The following PTPRM variants were observed in gnomAD, a reference collection of about 807,000 sequenced individuals.
PTPRM encodes the protein protein tyrosine phosphatase receptor type M, also known as receptor-type tyrosine-protein phosphatase mu.
In PTPRM, 47 loss-of-function variants were observed where a neutral mutation model predicts 186.7. That is an observed-to-expected ratio of 0.25 (90% CI 0.20 to 0.32). The LOEUF is 0.32. Among genes scored for constraint, PTPRM ranks in the 10% least tolerant of loss-of-function variants. The pLI is 1.00. For missense variants in PTPRM, 1,494 were observed against 1,865.0 expected, an observed-to-expected ratio of 0.80 and a Z score of 3.66; for synonymous variants, 668 against 674.9, an observed-to-expected ratio of 0.99 and a Z score of 0.16.
chr18:8,186,043 TA>T (rs919020743), intron 14 of PTPRM, among the ~76,000 whole-genome samples: 1 of 152,148 alleles, frequency 6.6e-6, no homozygotes. Flanking sequence ...ATCTCATTTG[TA>T]AAAAGAGAGA....
At chr18:7,622,426 C>G (rs746764046) in intron 1 of PTPRM, among the ~76,000 whole-genome samples, 4 of 152,046 alleles carry the variant, frequency 2.6e-5, no homozygotes, top group Non-Finnish European at 5.9e-5. Context: ...TCCCAGGGGT[C>G]TATACTGGGT....
chr18:8,258,095 T>A (rs1468309435), intron 19 of PTPRM, among the ~76,000 whole-genome samples: 2 of 152,170 alleles, frequency 1.3e-5, no homozygotes, highest in African/African-American at 4.8e-5. Flanking sequence ...GTAAACATGC[T>A]GAATTGAACA....
At chr18:7,731,532 G>A (rs2040659330) in intron 1 of PTPRM, among the ~76,000 whole-genome samples, 1 of 152,136 alleles carries the variant, frequency 6.6e-6, no homozygotes, top group Non-Finnish European at 1.5e-5. Context: ...AGGAAACTGG[G>A]CTCTAAGGGT....
chr18:8,381,837 G>A (rs1407668192), intron 29 of PTPRM, among the ~76,000 whole-genome samples: 2 of 152,174 alleles, frequency 1.3e-5, no homozygotes, highest in Non-Finnish European at 2.9e-5. Flanking sequence ...TCCTTATTTA[G>A]AATCATGATG....
At chr18:7,573,964 C>A (rs2036624175) in intron 1 of PTPRM, among the ~76,000 whole-genome samples, 3 of 152,156 alleles carry the variant, frequency 2.0e-5, no homozygotes. Flanking sequence ...GTTAGACTTG[C>A]AACCCTCTGA....
intron 2 of PTPRM, among the ~76,000 whole-genome samples, chr18:7,821,164 G>C (rs2045171102): frequency 6.6e-6 from 1 of 152,120 alleles, no homozygotes; most frequent in Non-Finnish European, 1.5e-5. Flanking sequence ...CGTTGTTCTG[G>C]CTCTATGGCT....
chr18:8,149,104 G>A (rs1283349986), intron 14 of PTPRM, among the ~76,000 whole-genome samples: 2 of 152,150 alleles, frequency 1.3e-5, no homozygotes, highest in East Asian at 3.9e-4. Context: ...GTGTGATGAG[G>A]TGAAAAGAAG....
chr18:7,770,831 T>TGGG (rs142360033), intron 1 of PTPRM, among the ~76,000 whole-genome samples: 5 of 152,082 alleles, frequency 3.3e-5, no homozygotes, highest in Admixed American at 2.0e-4. Flanking sequence ...TTTGTTATTT[T>TGGG]GGGGGGGTCC....
chr18:8,386,719 A>G (rs991125235), intron 30 of PTPRM, among the ~76,000 whole-genome samples: 1 of 152,162 alleles, frequency 6.6e-6, no homozygotes, highest in African/African-American at 2.4e-5. Flanking sequence ...CCAGGTTATA[A>G]ATTATTCATT....
intron 22 of PTPRM, among the ~76,000 whole-genome samples, chr18:8,323,553 G>A (rs962800471): frequency 4.6e-5 from 7 of 152,134 alleles, no homozygotes; most frequent in African/African-American, 1.7e-4. Flanking sequence ...TTGAGTTTAG[G>A]TGCCTCAATG....
intron 13 of PTPRM, among the ~76,000 whole-genome samples, chr18:8,130,836 G>C (rs1375887468): frequency 3.9e-5 from 6 of 152,178 alleles, no homozygotes; most frequent in African/African-American, 1.4e-4. Flanking sequence ...TCAAGTCCAG[G>C]CTTCTTGGGG....
intron 1 of PTPRM, among the ~76,000 whole-genome samples, chr18:7,760,821 G>A (rs1344277811): frequency 1.3e-5 from 2 of 152,136 alleles, no homozygotes; most frequent in East Asian, 3.9e-4. Context: ...GATAGGGTTG[G>A]ACTCACCTAT....
At chr18:8,140,136 G>A (rs368472323) in intron 13 of PTPRM, among the ~76,000 whole-genome samples, 3 of 152,094 alleles carry the variant, frequency 2.0e-5, no homozygotes, top group African/African-American at 4.8e-5. Context: ...AAAGCTTCCC[G>A]TTCACTCGGG....
At chr18:8,398,213 G>C (rs901202892) in intron 32 of PTPRM, among the ~76,000 whole-genome samples, 2 of 151,982 alleles carry the variant, frequency 1.3e-5, no homozygotes, top group Admixed American at 1.3e-4. Flanking sequence ...CAAACTCCTG[G>C]CCTCAAGCAG....
At chr18:7,578,557 G>T (rs572177186) in intron 1 of PTPRM, among the ~76,000 whole-genome samples, 3 of 151,764 alleles carry the variant, frequency 2.0e-5, no homozygotes, top group Admixed American at 6.6e-5. Flanking sequence ...GGATGGTCTC[G>T]ATCTCCTGAC....
intron 2 of PTPRM, among the ~76,000 whole-genome samples, chr18:7,789,345 T>G (rs77296037): frequency 1.7e-4 from 25 of 148,214 alleles, no homozygotes; most frequent in African/African-American, 4.2e-4. Context: ...TGATGATGAT[T>G]ATTATTAATA....
intron 14 of PTPRM, among the ~76,000 whole-genome samples, chr18:8,225,708 G>C (rs2094205396): frequency 6.6e-6 from 1 of 152,134 alleles, no homozygotes; most frequent in Non-Finnish European, 1.5e-5. Context: ...AAGACCATTG[G>C]TAAATAGTGA....
intron 7 of PTPRM, among the ~76,000 whole-genome samples, chr18:8,064,925 C>T (rs499764): frequency 0.63 from 95,148 of 151,964 alleles, 29,962 homozygotes; most frequent in African/African-American, 0.67. Flanking sequence ...CTAGTGTGAC[C>T]GGTGAGGCAG....
chr18:8,047,254 A>C lies in PTPRM; in HGVS notation c.1133-22432A>C, dbSNP rs368605199. Among the ~76,000 whole-genome samples the C allele has an allele frequency of 3.9e-5, 6 of 152,174 alleles. No individual in the cohort carries two copies. The South Asian group carries it at 1.2e-3, about 32-fold the overall frequency. On this transcript the variant is annotated intron_variant, in intron 7 of 32. Transcript: ENST00000580170. ...TGATTCAATGTATTCCATAGTTTTT[A>C]GGCCACTTCTAAGCAGTATTTCAAG...
Sources: gnomAD v4.1 joint callset for allele counts (sites outside exome capture counted in the v4.1 genomes callset) on GRCh38, gnomAD v4.1.1 for gene constraint, MANE v1.5 for transcripts, NCBI Gene and HGNC (gene_info 2026-07-23, HGNC 2026-07-21) for gene names.